Variants in GRM8 observed in about 807,000 individuals in gnomAD.
GRM8 encodes metabotropic glutamate receptor 8.
A neutral mutation model predicts 87.2 loss-of-function variants in GRM8; 47 were observed. That is an observed-to-expected ratio of 0.54 (90% CI 0.43 to 0.69). The LOEUF (loss-of-function observed/expected upper bound fraction) is 0.69. GRM8 is among the 30% of genes least tolerant of loss of function. The probability of loss-of-function intolerance (pLI) is 0.00; values close to 1 mark genes in which losing one functional copy is unlikely to be tolerated. For synonymous variants in GRM8, 396 were observed against 404.5 expected, an observed-to-expected ratio of 0.98 and a Z score of 0.25; for missense variants, 1,019 against 1,139.2, an observed-to-expected ratio of 0.89 and a Z score of 1.52.
rs115319297 is a variant in GRM8, at chr7:126,547,657, G to T, written c.1495-13770C>A. On this transcript the variant is annotated intron_variant, in intron 8 of 10. Coordinates refer to ENST00000339582, the MANE Select transcript of GRM8 (RefSeq NM_000845.3). ...AAAAAGTTAATTAAAGATAATTTCA[G>T]CATGCCCAATAATTATAAGAAGAAT... is the stretch of plus-strand genomic sequence containing the variant. 5.5e-3 allele frequency among the ~76,000 whole-genome samples: 840 copies of T among 151,930 alleles called. 5 individuals are homozygous for T. The highest frequency in any genetic ancestry group is 0.019 in the African/African-American group (803 of 41,492).
At chr7:127,078,426 T>C (rs2237786) in intron 3 of GRM8, among the ~76,000 whole-genome samples, 24,292 of 152,252 alleles carry the variant, frequency 0.16, 2,226 homozygotes, top group Non-Finnish European at 0.21. Context: ...TGAAACTGAA[T>C]CTTCAGAGCA....
chr7:126,871,403 A>G (rs1440310986), intron 6 of GRM8, among the ~76,000 whole-genome samples: 1 of 152,224 alleles, frequency 6.6e-6, no homozygotes, highest in Non-Finnish European at 1.5e-5. Flanking sequence ...TACATGTTTA[A>G]GGTAGTAATA....
intron 8 of GRM8, among the ~76,000 whole-genome samples, chr7:126,570,645 G>A (rs566823347): frequency 1.3e-5 from 2 of 152,224 alleles, no homozygotes; most frequent in Admixed American, 6.5e-5. Context: ...GTATGCCACT[G>A]ACACTAAATT....
rs531541189 is a variant in GRM8 at position 127,116,338 on chromosome 7, T to C, written c.511-9626A>G. On this transcript the variant is annotated intron_variant, in intron 2 of 10. Transcript: ENST00000339582. ...AAACCAATACATACACTTCTTCTAA[T>C]AGTTAAATGTTCTTTAATGGTTACT... Among the ~76,000 whole-genome samples the C allele has an allele frequency of 5.3e-5, 8 of 152,284 alleles. No homozygotes were observed. In the South Asian group the frequency reaches 1.4e-3, roughly 28 times the overall value.
chr7:126,526,785 T>C (rs899769906), intron 9 of GRM8, among the ~76,000 whole-genome samples: 11 of 152,244 alleles, frequency 7.2e-5, no homozygotes, highest in African/African-American at 2.7e-4. Flanking sequence ...GGAGAGCCAC[T>C]TGGCAGTCCT....
chr7:126,667,014 T>A (rs1206832299), intron 7 of GRM8, among the ~76,000 whole-genome samples: 1 of 152,160 alleles, frequency 6.6e-6, no homozygotes, highest in Non-Finnish European at 1.5e-5. Context: ...ATAGCTGGTC[T>A]CAAGGTTTGG....
chr7:126,760,712 T>C (rs897780985), intron 7 of GRM8, among the ~76,000 whole-genome samples: 1 of 152,178 alleles, frequency 6.6e-6, no homozygotes, highest in Admixed American at 6.5e-5. Flanking sequence ...ATTTCCTCAA[T>C]TGTATTTCTA....
chr7:126,973,686 C>A (rs889020769), intron 3 of GRM8, among the ~76,000 whole-genome samples: 1 of 152,034 alleles, frequency 6.6e-6, no homozygotes, highest in South Asian at 2.1e-4. Context: ...TTGATGCAAT[C>A]AATATTTCAT....
intron 8 of GRM8, among the ~76,000 whole-genome samples, chr7:126,541,430 T>C (rs1234399627): frequency 2.0e-5 from 3 of 151,818 alleles, no homozygotes; most frequent in African/African-American, 4.8e-5. Flanking sequence ...GGAAAGAGGG[T>C]ACATGTGAGA....
intron 7 of GRM8, among the ~76,000 whole-genome samples, chr7:126,662,640 A>G (rs1050264092): frequency 2.0e-5 from 3 of 152,252 alleles, no homozygotes; most frequent in African/African-American, 7.2e-5. Flanking sequence ...AATAGTACAG[A>G]GGAGAATGTT....
chr7:127,131,602 A>C (rs1386684406), intron 2 of GRM8, among the ~76,000 whole-genome samples: 5 of 152,160 alleles, frequency 3.3e-5, no homozygotes, highest in African/African-American at 1.2e-4. Flanking sequence ...CACTGGTTTA[A>C]GGTATCTCAC....
At chr7:127,020,806 T>G (rs1816188076) in intron 3 of GRM8, among the ~76,000 whole-genome samples, 1 of 152,090 alleles carries the variant, frequency 6.6e-6, no homozygotes, top group African/African-American at 2.4e-5. Context: ...TGTATTATTC[T>G]TCTGTTGCCC....
chr7:127,014,552 T>C (rs1346529747), intron 3 of GRM8, among the ~76,000 whole-genome samples: 2 of 152,188 alleles, frequency 1.3e-5, no homozygotes, highest in South Asian at 2.1e-4. Flanking sequence ...TAAATGGAGA[T>C]GGTAATATTT....
intron 3 of GRM8, among the ~76,000 whole-genome samples, chr7:127,015,433 C>T (rs944918139): frequency 5.3e-5 from 8 of 151,902 alleles, no homozygotes; most frequent in Non-Finnish European, 1.2e-4. Context: ...TTTGGGAAAA[C>T]GGAGGTTCAA....
At chr7:126,811,020 T>C (rs987831365) in intron 6 of GRM8, among the ~76,000 whole-genome samples, 1 of 152,126 alleles carries the variant, frequency 6.6e-6, no homozygotes, top group Non-Finnish European at 1.5e-5. Flanking sequence ...ATTTAAGTCT[T>C]TAACCCATCT....
chr7:126,452,407 C>T (rs1802716948), intron 9 of GRM8, among the ~76,000 whole-genome samples: 1 of 145,282 alleles, frequency 6.9e-6, no homozygotes, highest in African/African-American at 2.6e-5. Context: ...ATGTTGTGCA[C>T]ACGTACCGTA....
chr7:126,903,617 A>AGGTATATGTG (rs745526932), intron 5 of GRM8, among the ~76,000 whole-genome samples: 1 of 135,338 alleles, frequency 7.4e-6, no homozygotes, highest in African/African-American at 2.7e-5. Context: ...ACATATATAC[A>AGGTATATGTG]TATATATATG....
At chr7:127,158,861 G>A (rs1792912155) in intron 2 of GRM8, among the ~76,000 whole-genome samples, 1 of 151,396 alleles carries the variant, frequency 6.6e-6, no homozygotes, top group Non-Finnish European at 1.5e-5. Context: ...CCTAGCTGTA[G>A]GTGGTAGCAA....
intron 6 of GRM8, among the ~76,000 whole-genome samples, chr7:126,883,584 T>C (rs2535933): frequency 0.53 from 81,257 of 151,944 alleles, 22,138 homozygotes; most frequent in East Asian, 0.69. Flanking sequence ...GTTTTATGTA[T>C]CAAGAATAAT....
Sources: gnomAD v4.1 joint callset for allele counts (sites outside exome capture counted in the v4.1 genomes callset) on GRCh38, gnomAD v4.1.1 for gene constraint, MANE v1.5 for transcripts, NCBI Gene and HGNC (gene_info 2026-07-23, HGNC 2026-07-21) for gene names.